VSTM1: variants seen among roughly 807,000 people sequenced by gnomAD.
The protein encoded by VSTM1 is V-set and transmembrane domain-containing protein 1.
A neutral mutation model predicts 33.1 loss-of-function variants in VSTM1; 27 were observed. The observed-to-expected ratio is 0.82, with a 90% CI of 0.60 to 1.12. The LOEUF is 1.12. Ranked by LOEUF, VSTM1 falls within the 50% of genes most tolerant of loss-of-function variation. VSTM1 has a pLI of 0.00. For synonymous variants in VSTM1, 115 were observed against 110.3 expected (o/e 1.04, Z -0.27); for missense variants, 304 against 288.9 (o/e 1.05, Z -0.38).
At position 54,041,774 on chromosome 19, in the gene VSTM1, C is replaced by CTCACCGAGAGAGATACCCTTTCCA. The variant is rs768637201; in HGVS notation, c.572_591+4dup. ...CTTGTGGGACTCCTAAGCGGGAGGA[C>CTCACCGAGAGAGATACCCTTTCCA]TCACCGAGAGAGATACCCTTTCCAT... On this transcript the variant is annotated splice_donor_region_variant and intron_variant, in intron 8 of 8. Transcript: ENST00000338372. 1 of 1,612,574 alleles carries CTCACCGAGAGAGATACCCTTTCCA rather than the reference C, an allele frequency of 6.2e-7. No homozygotes were observed. The highest frequency in any genetic ancestry group is 2.2e-5 in the East Asian group (1 of 44,820).
At position 54,041,923 on chromosome 19, in the gene VSTM1, C is replaced by G. The variant is rs375689568; in HGVS notation, c.546G>C (p.Glu182Asp). Reference sequence around the variant, plus strand: ...ACTTCCCCTGTCCCTTACCGGCAGCCTCCTGCTCCGGAAGTTTGGAATGGC... The same window carrying G: ...ACTTCCCCTGTCCCTTACCGGCAGCGTCCTGCTCCGGAAGTTTGGAATGGC... The part of the protein sequence containing the change: ...RTSHSKLPEQ[E>D]AAEADLSNME... Residue 182 changes from glutamate to aspartate, a missense_variant, in exon 7 of 9, where the codon GAG becomes GAC. By Grantham distance (45) the Glu-to-Asp change is conservative. Transcript: ENST00000338372. 2 of 1,614,172 alleles carry G rather than the reference C, an allele frequency of 1.2e-6. No homozygotes were observed. Among genetic ancestry groups the G allele is most frequent in the Non-Finnish European group, 8.5e-7 (1 of 1,180,036 alleles).
chr19:54,061,820 A>G (rs2071407060), intron 1 of VSTM1, among the ~76,000 whole-genome samples: 1 of 151,660 alleles, frequency 6.6e-6, no homozygotes, highest in Admixed American at 6.6e-5. Context: ...TCTAAAGAAA[A>G]GAAAAAAAAA....
chr19:54,061,938 C>T (rs2071412947), intron 1 of VSTM1, among the ~76,000 whole-genome samples: 1 of 152,136 alleles, frequency 6.6e-6, no homozygotes, highest in Non-Finnish European at 1.5e-5. Context: ...GGCAGATCAC[C>T]TGAGGTCAGG....
chr19:54,060,940 C>T (rs1205373010), intron 1 of VSTM1, among the ~76,000 whole-genome samples: 2 of 151,956 alleles, frequency 1.3e-5, no homozygotes, highest in East Asian at 3.9e-4. Flanking sequence ...ATTCTCCCAC[C>T]TTGGCCTCCC....
At chr19:54,041,462 C>CGGCT (rs2070262407) in intron 8 of VSTM1, among the ~76,000 whole-genome samples, 1 of 151,946 alleles carries the variant, frequency 6.6e-6, no homozygotes, top group African/African-American at 2.4e-5. Context: ...CTACCACGCC[C>CGGCT]AGCTAATTTT....
intron 4 of VSTM1, among the ~76,000 whole-genome samples, chr19:54,045,435 T>C (rs1433410799): frequency 6.6e-6 from 1 of 152,210 alleles, no homozygotes; most frequent in African/African-American, 2.4e-5. Flanking sequence ...TGTTAATCTA[T>C]CACTTATCTA....
intron 1 of VSTM1, among the ~76,000 whole-genome samples, chr19:54,061,673 C>A (rs1446313770): frequency 6.6e-6 from 1 of 152,032 alleles, no homozygotes; most frequent in African/African-American, 2.4e-5. Context: ...TTAATTAGTC[C>A]AACATGGTGG....
At chr19:54,062,871 G>C (rs1007336234) in intron 1 of VSTM1, among the ~76,000 whole-genome samples, 2 of 152,200 alleles carry the variant, frequency 1.3e-5, no homozygotes, top group Admixed American at 1.3e-4. Flanking sequence ...CACCAGGGAG[G>C]AACTGGGGCC....
intron 4 of VSTM1, among the ~76,000 whole-genome samples, chr19:54,043,840 C>T (rs1054345304): frequency 5.9e-5 from 9 of 151,680 alleles, no homozygotes; most frequent in Non-Finnish European, 1.2e-4. Context: ...TGTGAAAGGA[C>T]GGGATGTGAA....
intron 3 of VSTM1, among the ~76,000 whole-genome samples, 166 bp from the exon 4 acceptor site, chr19:54,051,614 G>C (rs879976325): frequency 4.6e-5 from 7 of 152,110 alleles, no homozygotes; most frequent in Non-Finnish European, 8.8e-5. Context: ...AGCATGGACA[G>C]AGCCTCAGAT....
intron 4 of VSTM1, among the ~76,000 whole-genome samples, chr19:54,047,226 C>T (rs572006445): frequency 3.9e-5 from 6 of 151,928 alleles, no homozygotes; most frequent in Non-Finnish European, 7.4e-5. Flanking sequence ...TAAAATAAAA[C>T]GTCACTTTCA....
At chr19:54,062,622 G>A (rs1279906260) in intron 1 of VSTM1, among the ~76,000 whole-genome samples, 1 of 151,858 alleles carries the variant, frequency 6.6e-6, no homozygotes, top group Non-Finnish European at 1.5e-5. Context: ...TTCTCGGGAG[G>A]CGGAGGCAGG....
chr19:54,049,742 C>T (rs2070750181), intron 4 of VSTM1, among the ~76,000 whole-genome samples: 1 of 152,102 alleles, frequency 6.6e-6, no homozygotes, highest in Non-Finnish European at 1.5e-5. Context: ...GGAATAAAAA[C>T]GTTTCAAATA....
intron 4 of VSTM1, among the ~76,000 whole-genome samples, chr19:54,044,280 C>T (rs574291993): frequency 1.4e-4 from 22 of 151,972 alleles, no homozygotes; most frequent in Non-Finnish European, 2.1e-4. Context: ...GACCAGTGGC[C>T]GGGCACGGTG....
Position 54,058,390 on chromosome 19 carries a change from C to T in VSTM1, c.271G>A (p.Ala91Thr), listed in dbSNP as rs780069475. The change falls in exon 3 of 9, where the codon GCT becomes ACT. Residue 91 changes from alanine to threonine, a missense_variant. Transcript: ENST00000338372. ...TTGTAGGCACAAAAGTACCTCCCAGCATCCTTAGGCTTCAGGTCCGTGAAG... is the reference window on the plus strand; with the variant it reads ...TTGTAGGCACAAAAGTACCTCCCAGTATCCTTAGGCTTCAGGTCCGTGAAG... ...FPFTDLKPKDAGRYFCAYKTT... is the reference protein window; with the variant it reads ...FPFTDLKPKDTGRYFCAYKTT... 4.3e-6 allele frequency: 7 copies of T among 1,614,180 alleles called. No individual in the cohort carries two copies. The highest frequency in any genetic ancestry group is 2.2e-5 in the East Asian group (1 of 44,884).
intron 4 of VSTM1, among the ~76,000 whole-genome samples, chr19:54,048,212 C>T (rs1000289807): frequency 4.6e-5 from 7 of 152,116 alleles, no homozygotes; most frequent in African/African-American, 7.2e-5. Flanking sequence ...ACCTCCTGGG[C>T]GCAAACGATC....
chr19:54,052,162 G>C (rs2070873647), intron 3 of VSTM1, among the ~76,000 whole-genome samples: 2 of 151,994 alleles, frequency 1.3e-5, no homozygotes, highest in African/African-American at 4.8e-5. Flanking sequence ...ACTTTGGGAG[G>C]CCGAGGCGGG....
rs2071404526 is a variant in VSTM1 at position 54,061,777 on chromosome 19, G to T, written c.34+1967C>A. Reference sequence around the variant, plus strand: ...TGCAGTGAGCTATGGTGGTACCACTGCACTCCGGCCTGGGCAACTGAGTGA... The same window carrying T: ...TGCAGTGAGCTATGGTGGTACCACTTCACTCCGGCCTGGGCAACTGAGTGA... On this transcript the variant is annotated intron_variant, in intron 1 of 8. Coordinates refer to ENST00000338372, the MANE Select transcript of VSTM1 (RefSeq NM_198481.4). 2.6e-5 allele frequency among the ~76,000 whole-genome samples: 4 copies of T among 151,954 alleles called. No homozygotes were observed. In the South Asian group the frequency reaches 8.3e-4, roughly 31 times the overall value.
At chr19:54,054,018 A>T (rs2070969841) in intron 3 of VSTM1, among the ~76,000 whole-genome samples, 1 of 140,608 alleles carries the variant, frequency 7.1e-6, no homozygotes, top group Non-Finnish European at 1.6e-5. Context: ...TTTTGCATTA[A>T]TTTTTTTTTG....
Sources: allele counts gnomAD v4.1 joint callset (sites outside exome capture counted in the v4.1 genomes callset), GRCh38; gene constraint gnomAD v4.1.1; transcripts MANE v1.5; gene names NCBI Gene and HGNC (gene_info 2026-07-23, HGNC 2026-07-21).